Variants in CFAP299 observed in about 807,000 individuals in gnomAD.
The protein encoded by CFAP299 is cilia and flagella associated protein 299.
In CFAP299, 21 loss-of-function variants were observed where a neutral mutation model predicts 27.0. That is an observed-to-expected ratio of 0.78 (90% CI 0.55 to 1.12). The LOEUF (loss-of-function observed/expected upper bound fraction) is 1.12, where lower values mean the gene tolerates loss of function less well. CFAP299 is among the 50% of genes most tolerant of loss of function. The pLI is 0.00. For missense variants in CFAP299, 310 were observed against 276.6 expected (o/e 1.12, Z -0.86); for synonymous variants, 104 against 98.1 (o/e 1.06, Z -0.36).
intron 3 of CFAP299, among the ~76,000 whole-genome samples, chr4:80,802,721 AT>A (rs1474075472): frequency 2.0e-5 from 3 of 151,878 alleles, no homozygotes; most frequent in African/African-American, 4.8e-5. Context: ...GTTTCTCTCG[AT>A]TTTTCTGAAG....
chr4:80,558,353 TGTTTGTTTG>T (rs1734877124), intron 2 of CFAP299, among the ~76,000 whole-genome samples: 8 of 143,826 alleles, frequency 5.6e-5, no homozygotes, highest in African/African-American at 1.9e-4. Flanking sequence ...TTTGTTTGTT[TGTTTGTTTG>T]TTTGTTTTTT....
chr4:80,753,348 A>G (rs1725046194), intron 3 of CFAP299, among the ~76,000 whole-genome samples: 1 of 151,996 alleles, frequency 6.6e-6, no homozygotes, highest in Non-Finnish European at 1.5e-5. Context: ...TTTGTCTTAT[A>G]TAATTCTTCT....
At chr4:80,388,212 A>G in intron 2 of CFAP299, 3 of 698,082 alleles carry the variant, frequency 4.3e-6, no homozygotes, top group Non-Finnish European at 8.0e-6. Context: ...CTGGGCACAG[A>G]ATGCATGTTC....
chr4:80,572,958 C>A (rs1419209846), intron 2 of CFAP299, among the ~76,000 whole-genome samples: 1 of 152,046 alleles, frequency 6.6e-6, no homozygotes, highest in African/African-American at 2.4e-5. Context: ...ACATGATATA[C>A]TGATATACTT....
intron 2 of CFAP299, among the ~76,000 whole-genome samples, chr4:80,505,833 C>T (rs748199978): frequency 4.6e-5 from 7 of 151,760 alleles, no homozygotes; most frequent in Non-Finnish European, 8.8e-5. Flanking sequence ...GTGGTGTGCA[C>T]CTGTAGACCC....
chr4:80,758,928 A>G (rs1315416788), intron 3 of CFAP299, among the ~76,000 whole-genome samples: 2 of 152,188 alleles, frequency 1.3e-5, no homozygotes, highest in Non-Finnish European at 2.9e-5. Context: ...AAATGGCACA[A>G]AAATATTATT....
chr4:80,335,151 C>T (rs1237082544), upstream of CFAP299, among the ~76,000 whole-genome samples: 2 of 152,156 alleles, frequency 1.3e-5, no homozygotes, highest in African/African-American at 2.4e-5. Context: ...CAAAATTTTT[C>T]ACTGTGCTAA....
intron 4 of CFAP299, among the ~76,000 whole-genome samples, chr4:80,883,752 C>G (rs1350325138): frequency 6.6e-6 from 1 of 152,130 alleles, no homozygotes; most frequent in South Asian, 2.1e-4. Context: ...AATATGCACT[C>G]AGAGCTCTTA....
intron 2 of CFAP299, among the ~76,000 whole-genome samples, chr4:80,459,325 G>A (rs1323116922): frequency 9.2e-5 from 14 of 152,238 alleles, no homozygotes; most frequent in African/African-American, 3.4e-4. Flanking sequence ...CCAAGTGCTA[G>A]CAGGCCTCTG....
At chr4:80,517,936 T>G (rs1732667809) in intron 2 of CFAP299, among the ~76,000 whole-genome samples, 1 of 152,090 alleles carries the variant, frequency 6.6e-6, no homozygotes, top group Non-Finnish European at 1.5e-5. Flanking sequence ...ATTAAGAAAC[T>G]GGGTGCCTTG....
rs4547788 is a variant in CFAP299, at chr4:80,793,573, A to T, written c.334-76420A>T. On this transcript the variant is annotated intron_variant, in intron 3 of 5. Coordinates refer to ENST00000358105, the MANE Select transcript of CFAP299 (RefSeq NM_152770.3). ...TGCCTGAGATCATACATAATCTTCA[A>T]ATAAAGACAATAATAAGGTCATAAT... Among the ~76,000 whole-genome samples the T allele has an allele frequency of 1.3e-3, 202 of 152,242 alleles. 2 individuals carry two copies. The highest frequency in any genetic ancestry group is 2.4e-3 in the Non-Finnish European group (162 of 68,026).
At chr4:80,380,227 A>C (rs1006692144) in intron 2 of CFAP299, among the ~76,000 whole-genome samples, 1 of 152,046 alleles carries the variant, frequency 6.6e-6, no homozygotes, top group Non-Finnish European at 1.5e-5. Context: ...CAGTATTTGC[A>C]TAATATTTTT....
At chr4:80,962,369 T>C (rs1738386336) in intron 5 of CFAP299, among the ~76,000 whole-genome samples, 1 of 151,818 alleles carries the variant, frequency 6.6e-6, no homozygotes, top group African/African-American at 2.4e-5. Context: ...AGCTGCAAAA[T>C]AGGTCTCTAT....
At chr4:80,568,351 T>G (rs1441991108) in intron 2 of CFAP299, among the ~76,000 whole-genome samples, 1 of 152,064 alleles carries the variant, frequency 6.6e-6, no homozygotes, top group African/African-American at 2.4e-5. Context: ...CATGTTTCCT[T>G]TGTTATTCTC....
intron 4 of CFAP299, among the ~76,000 whole-genome samples, chr4:80,909,608 T>G (rs1382362044): frequency 6.6e-6 from 1 of 151,976 alleles, no homozygotes; most frequent in Non-Finnish European, 1.5e-5. Context: ...TTTAAGAAAG[T>G]TTTCTTCTAC....
intron 4 of CFAP299, among the ~76,000 whole-genome samples, chr4:80,876,176 A>G (rs1286066495): frequency 2.0e-5 from 3 of 149,486 alleles, no homozygotes; most frequent in Non-Finnish European, 3.0e-5. Flanking sequence ...ATTATATATA[A>G]TATTTCATTT....
chr4:80,813,510 C>A (rs1729266622), intron 3 of CFAP299, among the ~76,000 whole-genome samples: 1 of 151,936 alleles, frequency 6.6e-6, no homozygotes, highest in Non-Finnish European at 1.5e-5. Flanking sequence ...ACATCCTTTT[C>A]TGTTGATCCT....
rs1487339839 is a variant in CFAP299, at chr4:80,854,809, TGAAAAAA to T, written c.334-15183_334-15177del. ...TTCTAGCCAAACTCAGCTGTTGCTATGAAAAAAAAAAAAAAAAAAAAAAAAAAACAGA... is the reference window on the plus strand; with the variant it reads ...TTCTAGCCAAACTCAGCTGTTGCTATAAAAAAAAAAAAAAAAAAAAACAGA... On this transcript the variant is annotated intron_variant, in intron 3 of 5. Coordinates refer to ENST00000358105, the MANE Select transcript of CFAP299 (RefSeq NM_152770.3). 5.9e-3 allele frequency among the ~76,000 whole-genome samples: 402 copies of T among 67,880 alleles called. 1 individual carries two copies. Among genetic ancestry groups the T allele is most frequent in the African/African-American group, 0.03 (376 of 12,526 alleles). The allele number at this position is 67,880 out of a possible 152,430, so 44.5% of individuals were successfully genotyped here. A position where few individuals can be genotyped will look rare whatever the true frequency, so the allele number is the denominator to read the frequency against.
chr4:80,850,326 A>C (rs1731445043), intron 3 of CFAP299, among the ~76,000 whole-genome samples: 1 of 152,056 alleles, frequency 6.6e-6, no homozygotes, highest in Non-Finnish European at 1.5e-5. Flanking sequence ...AGAAGTAGAA[A>C]CAAAAAGAAA....
Sources: allele counts gnomAD v4.1 joint callset (sites outside exome capture counted in the v4.1 genomes callset), GRCh38; gene constraint gnomAD v4.1.1; transcripts MANE v1.5; gene names NCBI Gene and HGNC (gene_info 2026-07-23, HGNC 2026-07-21).